SPMIP2: variants seen among roughly 807,000 people sequenced by gnomAD.
The protein encoded by SPMIP2 is protein SPMIP2.
the SPMIP2 span, among the ~76,000 whole-genome samples, chr4:159,046,173 T>A: frequency 6.7e-6 from 1 of 149,442 alleles, no homozygotes; most frequent in African/African-American, 2.5e-5. Flanking sequence ...GAGGCTGCAA[T>A]GAGAGTGACT....
At chr4:159,053,278 A>G in the SPMIP2 span, among the ~76,000 whole-genome samples, 3 of 152,134 alleles carry the variant, frequency 2.0e-5, no homozygotes, top group Non-Finnish European at 4.4e-5. Context: ...TTAAAATATG[A>G]TTTGAGTGAC....
At chr4:159,045,791 C>G in the SPMIP2 span, among the ~76,000 whole-genome samples, 5 of 152,210 alleles carry the variant, frequency 3.3e-5, no homozygotes, top group African/African-American at 1.2e-4. Flanking sequence ...GGCTCAAGAT[C>G]TCTCGTAAGA....
chr4:159,046,252 C>T, the SPMIP2 span, among the ~76,000 whole-genome samples: 3 of 151,378 alleles, frequency 2.0e-5, no homozygotes, highest in Non-Finnish European at 2.9e-5. Context: ...AAAGGGCAGC[C>T]GGCTTCCTTC....
the SPMIP2 span, among the ~76,000 whole-genome samples, chr4:159,004,289 C>CT: frequency 0.011 from 843 of 78,870 alleles, 55 homozygotes; most frequent in African/African-American, 0.034. Flanking sequence ...ACTCTGTGCT[C>CT]TTTTTTTTTT....
At chr4:159,007,799 C>A in the SPMIP2 span, 1 of 574,596 alleles carries the variant, frequency 1.7e-6, no homozygotes, top group South Asian at 1.4e-5. Flanking sequence ...AGAAAATTGT[C>A]AACCCGAAGG....
the SPMIP2 span, among the ~76,000 whole-genome samples, chr4:159,062,828 A>G: frequency 2.6e-5 from 4 of 151,284 alleles, no homozygotes; most frequent in African/African-American, 9.7e-5. Context: ...AGCTAAGACT[A>G]CAGGTGTGCA....
At chr4:158,911,417 G>T in the SPMIP2 span, among the ~76,000 whole-genome samples, 8,665 of 151,388 alleles carry the variant, frequency 0.057, 294 homozygotes, top group African/African-American at 0.093. Flanking sequence ...GTGCACTCCA[G>T]TGACCCAGCT....
At chr4:159,027,201 T>C in the SPMIP2 span, among the ~76,000 whole-genome samples, 1 of 152,270 alleles carries the variant, frequency 6.6e-6, no homozygotes, top group Admixed American at 6.5e-5. Context: ...TTTGCTATTA[T>C]GATAGCAACG....
the SPMIP2 span, among the ~76,000 whole-genome samples, chr4:158,985,736 C>T: frequency 1.3e-5 from 2 of 149,876 alleles, no homozygotes; most frequent in African/African-American, 5.1e-5. Context: ...GACAGGGATG[C>T]CCTCTCTCAC....
chr4:158,973,483 A>C, the SPMIP2 span, among the ~76,000 whole-genome samples: 1 of 152,288 alleles, frequency 6.6e-6, no homozygotes, highest in African/African-American at 2.4e-5. Flanking sequence ...ATTTATAATT[A>C]ATAATTCTTA....
chr4:158,929,484 C>T, the SPMIP2 span, among the ~76,000 whole-genome samples: 1 of 152,072 alleles, frequency 6.6e-6, no homozygotes, highest in South Asian at 2.1e-4. Context: ...TAGATATTTT[C>T]TATCATTTTA....
At chr4:158,908,504 T>G in the SPMIP2 span, among the ~76,000 whole-genome samples, 3 of 152,224 alleles carry the variant, frequency 2.0e-5, no homozygotes, top group Non-Finnish European at 2.9e-5. Context: ...ATTTAGAATT[T>G]TAGCAAGAAG....
At chr4:159,062,242 G>A in the SPMIP2 span, among the ~76,000 whole-genome samples, 1 of 152,164 alleles carries the variant, frequency 6.6e-6, no homozygotes, top group African/African-American at 2.4e-5. Flanking sequence ...ATTGTTCCCT[G>A]GCAGGCTGCC....
chr4:159,034,350 A>T, the SPMIP2 span, among the ~76,000 whole-genome samples: 1 of 152,232 alleles, frequency 6.6e-6, no homozygotes, highest in Non-Finnish European at 1.5e-5. Context: ...TCAAGCAAAT[A>T]TGTCAAGTTT....
the SPMIP2 span, among the ~76,000 whole-genome samples, chr4:159,000,613 C>T: frequency 0.3 from 45,829 of 151,204 alleles, 7,260 homozygotes; most frequent in South Asian, 0.44. Context: ...CCTGCCTCAG[C>T]CTCCCTAGTA....
the SPMIP2 span, among the ~76,000 whole-genome samples, chr4:158,903,853 A>G: frequency 6.6e-6 from 1 of 152,134 alleles, no homozygotes; most frequent in Non-Finnish European, 1.5e-5. Flanking sequence ...CAGTGCCCAT[A>G]CTGTATCCAC....
chr4:159,019,159 G>C, the SPMIP2 span, among the ~76,000 whole-genome samples: 10 of 152,070 alleles, frequency 6.6e-5, no homozygotes, highest in Non-Finnish European at 1.2e-4. Context: ...AGCTGGAGTT[G>C]CCCAAATAGA....
At chr4:158,905,724 T>C in the SPMIP2 span, 1 of 150,942 alleles carries the variant, frequency 6.6e-6, no homozygotes, top group South Asian at 2.1e-4. Context: ...CCTAATTTTC[T>C]GTTAATATAA....
the SPMIP2 span, among the ~76,000 whole-genome samples, chr4:158,960,009 T>C: frequency 6.0e-4 from 92 of 152,162 alleles, 1 homozygote; most frequent in Non-Finnish European, 9.3e-4. Flanking sequence ...GTTGCCATTC[T>C]TCATAGCTTC....
Sources: gnomAD v4.1 joint callset for allele counts (sites outside exome capture counted in the v4.1 genomes callset) on GRCh38, gnomAD v4.1.1 for gene constraint, MANE v1.5 for transcripts, NCBI Gene and HGNC (gene_info 2026-07-23, HGNC 2026-07-21) for gene names.